Variants in PPP2R5C observed in about 807,000 individuals in gnomAD.
PPP2R5C encodes the protein serine/threonine-protein phosphatase 2A 56 kDa regulatory subunit gamma isoform.
In PPP2R5C, 7 loss-of-function variants were observed where a neutral mutation model predicts 68.9. That is an observed-to-expected ratio of 0.10 (90% CI 0.06 to 0.19). The LOEUF is 0.19. Ranked by LOEUF, PPP2R5C falls within the 10% of genes least tolerant of loss-of-function variation. PPP2R5C has a pLI of 1.00. For missense variants in PPP2R5C, 348 were observed against 641.3 expected, an observed-to-expected ratio of 0.54 and a Z score of 4.94; for synonymous variants, 210 against 222.2, an observed-to-expected ratio of 0.95 and a Z score of 0.49.
chr14:101,819,146 A>G lies in PPP2R5C; in HGVS notation c.94+9110A>G, dbSNP rs2039893968. On this transcript the variant is annotated intron_variant, in intron 1 of 13. Transcript: ENST00000334743. ...ATTTGTAGACAGTTTCTGTACATGT[A>G]TAATTAGGAATGGGTTGTCGGTTTT... The G allele has an allele frequency of 3.5e-6, 5 of 1,429,462 alleles. No individual in the cohort carries two copies. In the South Asian group the frequency reaches 3.7e-5, roughly 11 times the overall value. 88.5% of individuals were successfully genotyped at this position (1,429,462 alleles called of 1,614,324 possible). A position where few individuals can be genotyped will look rare whatever the true frequency, so the allele number is the denominator to read the frequency against.
upstream of PPP2R5C, among the ~76,000 whole-genome samples, chr14:101,809,041 A>G (rs996357828): frequency 2.6e-5 from 4 of 152,216 alleles, no homozygotes; most frequent in African/African-American, 9.7e-5. Context: ...AAGTGAAAAT[A>G]TCTTTAATTT....
At chr14:101,834,861 A>G (rs921665838) in intron 1 of PPP2R5C, among the ~76,000 whole-genome samples, 2 of 152,168 alleles carry the variant, frequency 1.3e-5, no homozygotes, top group African/African-American at 4.8e-5. Flanking sequence ...TCAGAGATTG[A>G]CTTGGTACTT....
chr14:101,898,580 C>T (rs949757494), intron 8 of PPP2R5C, among the ~76,000 whole-genome samples: 1 of 152,194 alleles, frequency 6.6e-6, no homozygotes, highest in African/African-American at 2.4e-5. Flanking sequence ...CAAGAGACCC[C>T]GTGCCGGCTT....
chr14:101,902,459 C>T (rs1047993290), intron 9 of PPP2R5C, among the ~76,000 whole-genome samples: 4 of 152,238 alleles, frequency 2.6e-5, no homozygotes, highest in Non-Finnish European at 2.9e-5. Context: ...CACCCCCACA[C>T]ACCTTCCCAG....
In PPP2R5C at chr14:101,828,979, T is replaced by C. The variant is rs542641478; in HGVS notation, c.94+18943T>C. Among the ~76,000 whole-genome samples, 44 of 152,340 alleles carry C rather than the reference T, an allele frequency of 2.9e-4. No homozygotes were observed. The South Asian group carries it at 9.1e-3, about 32-fold the overall frequency. On this transcript the variant is annotated intron_variant, in intron 1 of 13. Coordinates refer to ENST00000334743, the Ensembl canonical transcript of PPP2R5C. ...CAGGCGCAAGCCACCGTGCCCAGCC[T>C]CAAAAGATATTCTTTTTCTTACCTC...
intron 11 of PPP2R5C, among the ~76,000 whole-genome samples, chr14:101,910,264 G>A (rs1186286179): frequency 6.6e-6 from 1 of 152,182 alleles, no homozygotes; most frequent in Admixed American, 6.5e-5. Context: ...TTAAATAGTT[G>A]TTGGAGGTCA....
At chr14:101,791,435 A>G (rs914507515) in intron 3 of PPP2R5C, among the ~76,000 whole-genome samples, 3 of 152,226 alleles carry the variant, frequency 2.0e-5, no homozygotes, top group African/African-American at 7.2e-5. Context: ...ATTTTAACAG[A>G]AAATAAAATA....
In PPP2R5C at chr14:101,835,754, C is replaced by T. The variant is rs2041047288; in HGVS notation, c.95-20932C>T. ...TGTGGGACCACGCCGCCTGCACAGC[C>T]GTCCCCTCACGGGGTGCCTCTTGCC... On this transcript the variant is annotated intron_variant, in intron 1 of 13. Coordinates refer to ENST00000334743, the Ensembl canonical transcript of PPP2R5C. The surrounding 1 kb of genome is among the most constrained non-coding windows in gnomAD (Gnocchi z 5.0). 6.6e-6 allele frequency among the ~76,000 whole-genome samples: 1 copy of T among 152,242 alleles called. No homozygotes were observed. Among genetic ancestry groups the T allele is most frequent in the Non-Finnish European group, 1.5e-5 (1 of 68,036 alleles).
chr14:101,765,464 A>G (rs1458533856), intron 2 of PPP2R5C: 1 of 559,042 alleles, frequency 1.8e-6, no homozygotes, highest in East Asian at 2.9e-5. Flanking sequence ...TTAAACCATT[A>G]TTGCACACTT....
intron 13 of PPP2R5C, chr14:101,921,028 T>A (rs1399586426): frequency 5.9e-6 from 1 of 168,522 alleles, no homozygotes; most frequent in East Asian, 1.9e-4. Flanking sequence ...AGTCTCTAGG[T>A]GTAATATTTG....
chr14:101,767,251 T>G (rs560193091), intron 2 of PPP2R5C, among the ~76,000 whole-genome samples: 1 of 152,358 alleles, frequency 6.6e-6, no homozygotes, highest in South Asian at 2.1e-4. Flanking sequence ...CTAGGGAGAC[T>G]GACAGTCGCC....
chr14:101,791,181 A>C (rs1012602193), intron 3 of PPP2R5C, among the ~76,000 whole-genome samples: 1 of 152,256 alleles, frequency 6.6e-6, no homozygotes. Context: ...GAGGGCTCTG[A>C]TGTGGCCACA....
chr14:101,837,241 T>G (rs1301828325), intron 1 of PPP2R5C, among the ~76,000 whole-genome samples: 26 of 152,188 alleles, frequency 1.7e-4, no homozygotes, highest in African/African-American at 6.3e-4. Flanking sequence ...CCCCTTGGGT[T>G]CAAGCGATTC....
intron 3 of PPP2R5C, among the ~76,000 whole-genome samples, chr14:101,803,514 G>A (rs1013372490): frequency 1.3e-5 from 2 of 152,092 alleles, no homozygotes; most frequent in African/African-American, 4.8e-5. Context: ...CACGAGGTCA[G>A]GCGATTGAGA....
rs116711365 is a variant in PPP2R5C, at chr14:101,764,755, G to A, written c.93+1785G>A. Among the ~76,000 whole-genome samples the A allele has an allele frequency of 3.2e-3, 474 of 149,514 alleles. 1 individual carries two copies. The highest frequency in any genetic ancestry group is 9.9e-3 in the African/African-American group (403 of 40,694). On this transcript the variant is annotated intron_variant, in intron 2 of 14. Coordinates refer to the PPP2R5C transcript ENST00000328724. ...TCACCCTTTTGACTAAATTCATTTC[G>A]ATGAAGATGAAATGTAGGTGCTTTA...
Position 101,878,143 on chromosome 14 carries a change from C to A in PPP2R5C, c.295-4018C>A, listed in dbSNP as rs561247864. Among the ~76,000 whole-genome samples the A allele has an allele frequency of 3.0e-3, 463 of 152,332 alleles. 2 individuals carry two copies. Among genetic ancestry groups the A allele is most frequent in the Non-Finnish European group, 5.3e-3 (358 of 68,028 alleles). ...GAGAAGGCGAGTGTGAGCCTTCTAC[C>A]ATCCCTCCTTACAAAGACACTAATC... is the stretch of plus-strand genomic sequence containing the variant. On this transcript the variant is annotated intron_variant, in intron 2 of 13. Transcript: ENST00000334743.
chr14:101,785,385 C>T (rs1213341241), intron 2 of PPP2R5C, among the ~76,000 whole-genome samples: 2 of 152,312 alleles, frequency 1.3e-5, no homozygotes, highest in Admixed American at 6.5e-5. Flanking sequence ...TCAGCAGGGT[C>T]GTGATGGCTC....
At chr14:101,815,238 G>A (rs1459079714) in intron 1 of PPP2R5C, among the ~76,000 whole-genome samples, 1 of 152,180 alleles carries the variant, frequency 6.6e-6, no homozygotes, top group Non-Finnish European at 1.5e-5. Flanking sequence ...GCCTCAGTCA[G>A]TCTGATAGCA....
chr14:101,845,901 C>T (rs2041799000), intron 1 of PPP2R5C, among the ~76,000 whole-genome samples: 3 of 152,146 alleles, frequency 2.0e-5, no homozygotes, highest in Non-Finnish European at 4.4e-5. Flanking sequence ...AACATGTAAA[C>T]GAGTGTCAGT....
Sources: allele counts gnomAD v4.1 joint callset (sites outside exome capture counted in the v4.1 genomes callset), GRCh38; gene constraint gnomAD v4.1.1; non-coding constraint Gnocchi (gnomAD v3.1); transcripts MANE v1.5; gene names NCBI Gene and HGNC (gene_info 2026-07-23, HGNC 2026-07-21).